The following GRM4 variants were observed in gnomAD, a reference collection of about 807,000 sequenced individuals.
The protein encoded by GRM4 is glutamate metabotropic receptor 4.
A neutral mutation model predicts 81.7 loss-of-function variants in GRM4; 28 were observed. The ratio of observed to expected loss-of-function variants is 0.34; its 90% confidence interval spans 0.25 to 0.47. GRM4 has a LOEUF of 0.47. GRM4 is among the 20% of genes least tolerant of loss of function. The probability of loss-of-function intolerance (pLI) is 1.00; values close to 1 mark genes in which losing one functional copy is unlikely to be tolerated. For missense variants in GRM4, 948 were observed against 1,290.0 expected (o/e 0.73, Z 4.06); for synonymous variants, 488 against 528.8 (o/e 0.92, Z 1.06).
rs751843243 is a variant in GRM4, at chr6:34,152,186, C to T, written c.312+2893G>A. The stretch of plus-strand genomic sequence containing the variant: ...GGAAACTCCATGGACAATGTTTGCT[C>T]CTTCCCAAGCAGGACCCAGACAGCT... On this transcript the variant is annotated intron_variant, in intron 1 of 8. Coordinates refer to the GRM4 transcript ENST00000374177. This position sits in a 1 kb window ranked among gnomAD's most constrained non-coding sequence, Gnocchi z 4.1. 6.6e-6 allele frequency among the ~76,000 whole-genome samples: 1 copy of T among 152,124 alleles called. No individual in the cohort carries two copies. Among genetic ancestry groups the T allele is most frequent in the Non-Finnish European group, 1.5e-5 (1 of 68,020 alleles).
At chr6:34,083,240 G>A (rs942677891) in intron 3 of GRM4, among the ~76,000 whole-genome samples, 6 of 152,148 alleles carry the variant, frequency 3.9e-5, no homozygotes, top group African/African-American at 7.2e-5. Context: ...CAGCAGGCCC[G>A]GCGACACCAA....
chr6:34,061,103 A>G (rs1581634560), intron 4 of GRM4: 2 of 152,174 alleles, frequency 1.3e-5, no homozygotes, highest in South Asian at 2.1e-4. Context: ...AGTGAGGGGG[A>G]GTCTGAGGGC....
intron 1 of GRM4, among the ~76,000 whole-genome samples, chr6:34,135,965 G>A (rs544582029): frequency 5.9e-5 from 9 of 152,294 alleles, no homozygotes; most frequent in South Asian, 2.1e-4. Flanking sequence ...GAGGAGAGTC[G>A]GCTACTAGCC....
At chr6:34,154,661 G>A (rs373589224) in intron 1 of GRM4, among the ~76,000 whole-genome samples, 88 of 151,810 alleles carry the variant, frequency 5.8e-4, no homozygotes, top group African/African-American at 2.0e-3. Flanking sequence ...GGGAAATGCG[G>A]GACAAAAAGC....
intron 10 of GRM4, among the ~76,000 whole-genome samples, chr6:34,027,233 A>G (rs114108057): frequency 0.012 from 1,837 of 152,136 alleles, 38 homozygotes; most frequent in African/African-American, 0.042. Flanking sequence ...TCAGAGAGGG[A>G]AGGGTATCAG....
rs547551310 is a variant in GRM4 at position 34,115,620 on chromosome 6, C to T, written c.519+17358G>A. Among the ~76,000 whole-genome samples the T allele has an allele frequency of 6.6e-6, 1 of 152,352 alleles. No individual in the cohort carries two copies. Among genetic ancestry groups the T allele is most frequent in the South Asian group, 2.1e-4 (1 of 4,828 alleles). On this transcript the variant is annotated intron_variant, in intron 2 of 10. Transcript: ENST00000538487. This position sits in a 1 kb window ranked among gnomAD's most constrained non-coding sequence, Gnocchi z 4.1. ...AAAGACCATTTAGTAAATCGATGCT[C>T]TGAAAGAGCCTTTCTAGCTTCCCAA...
At chr6:34,124,448 G>A (rs770884523) in intron 2 of GRM4, among the ~76,000 whole-genome samples, 48 of 152,308 alleles carry the variant, frequency 3.2e-4, no homozygotes, top group Non-Finnish European at 5.1e-4. Context: ...CTGACGATGC[G>A]CACTACATGC....
chr6:34,037,921 C>T (rs147761939), intron 8 of GRM4, among the ~76,000 whole-genome samples: 21 of 151,434 alleles, frequency 1.4e-4, no homozygotes, highest in African/African-American at 4.6e-4. Context: ...AGGGATGCCT[C>T]GTGGCAAGGT....
chr6:34,043,187 GGTCGT>G (rs1765098904), intron 6 of GRM4, among the ~76,000 whole-genome samples: 1 of 152,178 alleles, frequency 6.6e-6, no homozygotes, highest in African/African-American at 2.4e-5. Flanking sequence ...ATTTGACTTG[GGTCGT>G]GTCTGCTAGC....
At chr6:34,145,960 C>G (rs1365149049) in intron 1 of GRM4, 40 bp downstream of exon 1, 15 of 981,098 alleles carry the variant, frequency 1.5e-5, no homozygotes, top group Non-Finnish European at 1.8e-5. Flanking sequence ...TCCGGAAGCC[C>G]CCCCCTTCCT....
rs1280928389 is a variant in GRM4, at chr6:34,070,093, A to G, written c.737-8065T>C. 6.6e-6 allele frequency among the ~76,000 whole-genome samples: 1 copy of G among 152,194 alleles called. No individual in the cohort carries two copies. The highest frequency in any genetic ancestry group is 1.5e-5 in the Non-Finnish European group (1 of 68,020). On this transcript the variant is annotated intron_variant, in intron 3 of 10. Coordinates refer to ENST00000538487, the MANE Select transcript of GRM4 (RefSeq NM_000841.4). This position sits in a 1 kb window ranked among gnomAD's most constrained non-coding sequence, Gnocchi z 4.6. ...GAGCTGCCAGCATGGGCGTGAGGGC[A>G]GAGGCTCTGTAGGAGTTGGAGGTGA...
In GRM4 at chr6:34,067,936, T is replaced by A. The variant is rs79504106; in HGVS notation, c.737-5908A>T. Among the ~76,000 whole-genome samples the A allele has an allele frequency of 8.8e-3, 1,343 of 152,228 alleles. 23 individuals are homozygous for A. Among genetic ancestry groups the A allele is most frequent in the African/African-American group, 0.031 (1,273 of 41,544 alleles). ...CAGGGAAGTACAGGCCCCTCTCACA[T>A]CACCTGCCTGCCTGCTGCCACCACT... On this transcript the variant is annotated intron_variant, in intron 3 of 10. Coordinates refer to ENST00000538487, the MANE Select transcript of GRM4 (RefSeq NM_000841.4).
At position 34,136,875 on chromosome 6, in the gene GRM4, G is replaced by A. The variant is rs1299790743; in HGVS notation, c.-363-3016C>T. On this transcript the variant is annotated intron_variant, in intron 1 of 10. Transcript: ENST00000538487. The surrounding 1 kb of genome is among the most constrained non-coding windows in gnomAD (Gnocchi z 4.1). ...TCCTTTGATCATGTAACAGGAACAA[G>A]GGAAAAGTAAAAATACCCCATGAGT... 2.0e-5 allele frequency among the ~76,000 whole-genome samples: 3 copies of A among 151,772 alleles called. No homozygotes were observed. The highest frequency in any genetic ancestry group is 7.2e-5 in the African/African-American group (3 of 41,388).
intron 2 of GRM4, chr6:34,110,726 G>T: frequency 6.6e-7 from 1 of 1,514,068 alleles, no homozygotes; most frequent in Non-Finnish European, 8.8e-7. Flanking sequence ...GGGGTGCTGG[G>T]CTGGTAGCAC....
chr6:34,106,012 G>T (rs2451345), intron 2 of GRM4: 3,003 of 152,322 alleles, frequency 0.02, 50 homozygotes, highest in Middle Eastern at 0.064. Flanking sequence ...ATTGGGCTCC[G>T]GCCTCCCACA....
Position 34,048,043 on chromosome 6 carries a change from GTC to G in GRM4, c.1169-7297_1169-7296del, listed in dbSNP as rs1424041194. Among the ~76,000 whole-genome samples the G allele has an allele frequency of 6.6e-6, 1 of 152,212 alleles. No homozygotes were observed. Among genetic ancestry groups the G allele is most frequent in the African/African-American group, 2.4e-5 (1 of 41,464 alleles). ...ATGACCACAGCAGCAGAGAAGCCGT[GTC>G]TCTCAGACTGGGAGAGCTCACTTGG... On this transcript the variant is annotated intron_variant, in intron 6 of 10. Transcript: ENST00000538487. This position sits in a 1 kb window ranked among gnomAD's most constrained non-coding sequence, Gnocchi z 4.0.
Position 34,036,356 on chromosome 6 carries a change from G to A in GRM4, c.1754C>T (p.Ser585Leu), listed in dbSNP as rs762316632. 3.1e-6 allele frequency: 5 copies of A among 1,613,244 alleles called. No individual in the cohort carries two copies. The highest frequency in any genetic ancestry group is 1.7e-5 in the Admixed American group (1 of 59,998). Residue 585 changes from serine (S) to leucine (L), a missense_variant, in exon 9 of 11, where the codon TCG becomes TTG. Coordinates refer to ENST00000538487, the MANE Select transcript of GRM4 (RefSeq NM_000841.4). This position sits in a 1 kb window ranked among gnomAD's most constrained non-coding sequence, Gnocchi z 9.0. ...GAAGAGGGGCAGCACGGCCCAGGGC[G>A]AGCCCCACTCAAGCTTGATGATGGG... ...PIPIIKLEWG[S>L]PWAVLPLFLA...
At chr6:34,132,043 A>G (rs1406898300) in intron 2 of GRM4, among the ~76,000 whole-genome samples, 1 of 152,192 alleles carries the variant, frequency 6.6e-6, no homozygotes, top group Non-Finnish European at 1.5e-5. Context: ...AATTATTGGT[A>G]AAATGCTTGT....
At chr6:34,030,783 T>C (rs981202000) in intron 9 of GRM4, among the ~76,000 whole-genome samples, 4 of 152,214 alleles carry the variant, frequency 2.6e-5, no homozygotes, top group African/African-American at 7.2e-5. Context: ...GGCACAGTCA[T>C]TGGTATTCTC....
Sources: gnomAD v4.1 joint callset for allele counts (sites outside exome capture counted in the v4.1 genomes callset) on GRCh38, gnomAD v4.1.1 for gene constraint, Gnocchi (gnomAD v3.1) non-coding constraint, MANE v1.5 for transcripts, NCBI Gene and HGNC (gene_info 2026-07-23, HGNC 2026-07-21) for gene names.